The following CRB1 variants were observed in gnomAD, a reference collection of about 807,000 sequenced individuals.
CRB1 encodes crumbs cell polarity complex component 1.
A neutral mutation model predicts 120.0 loss-of-function variants in CRB1; 83 were observed. The ratio of observed to expected loss-of-function variants is 0.69; its 90% CI spans 0.58 to 0.83. CRB1 has a LOEUF of 0.83. CRB1 is among the 40% of genes least tolerant of loss of function. The pLI, the probability that CRB1 is intolerant of heterozygous loss-of-function variation, is 0.00. For missense variants in CRB1, 1,699 were observed against 1,687.6 expected, an observed-to-expected ratio of 1.01 and a Z score of -0.12; for synonymous variants, 625 against 612.5, an observed-to-expected ratio of 1.02 and a Z score of -0.30.
chr1:197,347,617 T>C, intron 4 of CRB1, 138 bp downstream of exon 4: 2 of 943,928 alleles, frequency 2.1e-6, no homozygotes, highest in Non-Finnish European at 3.2e-6. Flanking sequence ...TTTAGTTTTA[T>C]TCTTCAGTGC....
intron 8 of CRB1, 145 bp downstream of exon 8, chr1:197,429,759 T>C (rs2125489644): frequency 1.2e-6 from 1 of 835,182 alleles, no homozygotes; most frequent in South Asian, 1.8e-5. Flanking sequence ...AGGCTAATAC[T>C]GACTGGCCTC....
rs754038973 is a variant in CRB1, at chr1:197,347,478, T to C, written c.987T>C (p.Pro329=). The C allele has an allele frequency of 5.0e-6, 8 of 1,614,080 alleles. No individual in the cohort carries two copies. The South Asian group carries it at 6.6e-5, about 13-fold the overall frequency. Residue 329 remains proline (P), a splice_region_variant and synonymous_variant, in exon 4 of 12, where the codon CCT becomes CCC. Transcript: ENST00000367400. ...ACAATTACACTTGTCACTGCTGGCC[T>C]GGTGAGTGACAAAATACCTTCCACC... The part of the protein sequence containing the change: ...SVDNYTCHCW[P]GYTGAQCEID...
chr1:197,273,464 A>G (rs1049704896), intron 1 of CRB1, among the ~76,000 whole-genome samples: 2 of 152,094 alleles, frequency 1.3e-5, no homozygotes, highest in African/African-American at 4.8e-5. Context: ...GTACTCTTAG[A>G]AAAGGAAGTC....
intron 11 of CRB1, chr1:197,447,573 G>A (rs911386199): frequency 6.6e-6 from 1 of 152,082 alleles, no homozygotes; most frequent in Non-Finnish European, 1.5e-5. Flanking sequence ...TGGTTGCAGT[G>A]GCTCACATCT....
At chr1:197,228,604 A>G in the CRB1 span, among the ~76,000 whole-genome samples, 13 of 152,148 alleles carry the variant, frequency 8.5e-5, no homozygotes, top group Admixed American at 8.5e-4. Context: ...GGAAGTTCCA[A>G]ACTTTCCCAC....
In CRB1 at chr1:197,344,495, T is replaced by C; in HGVS notation, c.848+19T>C. The C allele has an allele frequency of 6.2e-7, 1 of 1,610,720 alleles. No homozygotes were observed. The highest frequency in any genetic ancestry group is 8.5e-7 in the Non-Finnish European group (1 of 1,176,988). ...AAAACAGGTACATTTTCTCTGGCGT[T>C]GGGTGATTGGCTTAGAACTCCCTGA... On this transcript the variant is annotated intron_variant, in intron 3 of 11. Transcript: ENST00000367400.
At chr1:197,348,701 C>T (rs960497068) in intron 4 of CRB1, among the ~76,000 whole-genome samples, 3 of 152,094 alleles carry the variant, frequency 2.0e-5, no homozygotes, top group African/African-American at 4.8e-5. Flanking sequence ...TGGGCTCAAT[C>T]TCCTAACCTT....
chr1:197,214,104 TTTTG>T, the CRB1 span, among the ~76,000 whole-genome samples: 1,333 of 152,232 alleles, frequency 8.8e-3, 18 homozygotes, highest in African/African-American at 0.03. Flanking sequence ...TGCGTGGTTT[TTTTG>T]TTTGTTTGTT....
Position 197,477,953 on chromosome 1 carries a change from T to C in CRB1, c.*74T>C. On this transcript the variant is annotated 3_prime_UTR_variant, in exon 12 of 12. Coordinates refer to ENST00000367400, the MANE Select transcript of CRB1 (RefSeq NM_201253.3). The stretch of plus-strand genomic sequence containing the variant: ...GACTGTACTTCAGGTATCTCTGACA[T>C]ACCTGACAATGTTAATCTGCAACTG... The C allele has an allele frequency of 7.2e-7, 1 of 1,393,272 alleles. No homozygotes were observed. The highest frequency in any genetic ancestry group is 1.0e-6 in the Non-Finnish European group (1 of 979,996). 86.3% of individuals were successfully genotyped at this position (1,393,272 alleles called of 1,614,324 possible). A position where few individuals can be genotyped will look rare whatever the true frequency, so the allele number is the denominator to read the frequency against.
At chr1:197,347,595 T>C in intron 4 of CRB1, 116 bp downstream of exon 4, 1 of 1,095,932 alleles carries the variant, frequency 9.1e-7, no homozygotes, top group Non-Finnish European at 1.3e-6. Flanking sequence ...CAATTTCTTC[T>C]AGCTAATATT....
intron 1 of CRB1, among the ~76,000 whole-genome samples, chr1:197,291,846 G>A (rs1656201509): frequency 6.6e-6 from 1 of 151,790 alleles, no homozygotes; most frequent in Non-Finnish European, 1.5e-5. Context: ...CTCCAGGAAG[G>A]CTTGCATTTA....
intron 9 of CRB1, among the ~76,000 whole-genome samples, chr1:197,437,275 A>G (rs1232980536): frequency 1.3e-5 from 2 of 152,132 alleles, no homozygotes; most frequent in African/African-American, 2.4e-5. Flanking sequence ...GAAGTTGTAC[A>G]TCTCTCCTTA....
chr1:197,475,571 C>A (rs1667162688), intron 11 of CRB1, among the ~76,000 whole-genome samples: 1 of 152,156 alleles, frequency 6.6e-6, no homozygotes, highest in Admixed American at 6.5e-5. Flanking sequence ...ACACTATCTC[C>A]CATCCTCCAC....
intron 11 of CRB1, among the ~76,000 whole-genome samples, chr1:197,473,133 A>G (rs1468012350): frequency 6.6e-6 from 1 of 152,196 alleles, no homozygotes; most frequent in Admixed American, 6.5e-5. Flanking sequence ...TTGCTCTTTC[A>G]TTCTTATGAC....
chr1:197,263,127 C>T, the CRB1 span, among the ~76,000 whole-genome samples: 2 of 152,264 alleles, frequency 1.3e-5, no homozygotes, highest in East Asian at 3.9e-4. Flanking sequence ...AGTGGCTGAA[C>T]TAATTTACAT....
At chr1:197,311,700 TGTGTGTG>T (rs1657533091) in intron 1 of CRB1, among the ~76,000 whole-genome samples, 1 of 12,286 alleles carries the variant, frequency 8.1e-5, no homozygotes, top group African/African-American at 4.2e-4. Context: ...ATATAGTTAG[TGTGTGTG>T]TGTGTGTGTG....
chr1:197,458,304 G>T lies in CRB1; in HGVS notation c.4005+16012G>T, dbSNP rs569368289. On this transcript the variant is annotated intron_variant, in intron 11 of 11. Transcript: ENST00000367400. ...AGCAGCCACAGGAGTTTAGGGACAT[G>T]GATGAAGATTTCTGCATTTGCCCCA... 2.6e-5 allele frequency among the ~76,000 whole-genome samples: 4 copies of T among 152,140 alleles called. No individual in the cohort carries two copies. In the East Asian group the frequency reaches 7.7e-4, roughly 29 times the overall value.
In CRB1 at chr1:197,434,788, T is replaced by C. The variant is rs1413108078; in HGVS notation, c.2925T>C (p.Asn975=). The C allele has an allele frequency of 5.0e-6, 8 of 1,613,574 alleles. No individual in the cohort carries two copies. The highest frequency in any genetic ancestry group is 6.8e-6 in the Non-Finnish European group (8 of 1,179,568). The change falls in exon 9 of 12, where the codon AAT becomes AAC. Residue 975 remains asparagine (N), a synonymous_variant. Coordinates refer to ENST00000367400, the MANE Select transcript of CRB1 (RefSeq NM_201253.3). ...SNGNITRELT[N]ITFGFRTRDA... ...GGAATATTACCAGAGAACTCACCAATATCACATTTGGTTTCAGAACAAGGG... is the reference window on the plus strand; with the variant it reads ...GGAATATTACCAGAGAACTCACCAACATCACATTTGGTTTCAGAACAAGGG...
At chr1:197,358,760 C>A (rs1454444420) in intron 5 of CRB1, among the ~76,000 whole-genome samples, 1 of 151,692 alleles carries the variant, frequency 6.6e-6, no homozygotes, top group African/African-American at 2.4e-5. Context: ...ATGGGCCAAC[C>A]ACTACAAGTA....
Sources: allele counts gnomAD v4.1 joint callset (sites outside exome capture counted in the v4.1 genomes callset), GRCh38; gene constraint gnomAD v4.1.1; transcripts MANE v1.5; gene names NCBI Gene and HGNC (gene_info 2026-07-23, HGNC 2026-07-21).